The following CNTNAP5 variants were observed in gnomAD, a reference collection of about 807,000 sequenced individuals.
CNTNAP5 encodes contactin-associated protein-like 5.
A neutral mutation model predicts 150.2 loss-of-function variants in CNTNAP5; 72 were observed. The ratio of observed to expected loss-of-function variants is 0.48; its 90% confidence interval spans 0.40 to 0.58. The LOEUF (loss-of-function observed/expected upper bound fraction) is 0.58. Among genes scored for constraint, CNTNAP5 ranks in the 20% least tolerant of loss-of-function variants. The probability of loss-of-function intolerance (pLI) is 0.00; values close to 1 mark genes in which losing one functional copy is unlikely to be tolerated. For synonymous variants in CNTNAP5, 672 were observed against 619.8 expected (o/e 1.08, Z -1.25); for missense variants, 1,636 against 1,626.2 (o/e 1.01, Z -0.10).
At chr2:124,193,728 T>A (rs1685511426) in intron 1 of CNTNAP5, among the ~76,000 whole-genome samples, 1 of 152,164 alleles carries the variant, frequency 6.6e-6, no homozygotes, top group African/African-American at 2.4e-5. Context: ...ATTCTACAAT[T>A]AGTTTATGAA....
At chr2:124,377,715 T>C (rs1690686531) in intron 3 of CNTNAP5, among the ~76,000 whole-genome samples, 1 of 151,536 alleles carries the variant, frequency 6.6e-6, no homozygotes, top group Admixed American at 6.6e-5. Flanking sequence ...AATGCACCTT[T>C]TTTTTTTATG....
At chr2:124,410,057 C>T (rs951918246) in intron 3 of CNTNAP5, among the ~76,000 whole-genome samples, 1 of 151,482 alleles carries the variant, frequency 6.6e-6, no homozygotes, top group Non-Finnish European at 1.5e-5. Context: ...AAATGGAAAA[C>T]AAAAAAAGGC....
intron 14 of CNTNAP5, among the ~76,000 whole-genome samples, chr2:124,756,070 A>G (rs958695238): frequency 1.3e-5 from 2 of 152,210 alleles, no homozygotes; most frequent in African/African-American, 4.8e-5. Flanking sequence ...CAGAGCTCAA[A>G]GATTTATCAA....
chr2:124,882,153 G>A (rs987028762), intron 21 of CNTNAP5, among the ~76,000 whole-genome samples: 6 of 152,104 alleles, frequency 3.9e-5, no homozygotes. Flanking sequence ...TTGAATGCCA[G>A]ATGAACAACT....
At position 124,469,938 on chromosome 2, in the gene CNTNAP5, G is replaced by C. The variant is rs113875212; in HGVS notation, c.919-4801G>C. Among the ~76,000 whole-genome samples the C allele has an allele frequency of 1.7e-3, 260 of 152,294 alleles. 1 individual carries two copies. The highest frequency in any genetic ancestry group is 5.9e-3 in the African/African-American group (247 of 41,560). On this transcript the variant is annotated intron_variant, in intron 6 of 23. Coordinates refer to ENST00000682447, the MANE Select transcript of CNTNAP5 (RefSeq NM_001367498.1). Reference sequence around the variant, plus strand: ...TTTTATGGCTGCATGGTATTCCATGGCGTATATGTACCACATTTTCTTTAT... The same window carrying C: ...TTTTATGGCTGCATGGTATTCCATGCCGTATATGTACCACATTTTCTTTAT...
intron 1 of CNTNAP5, among the ~76,000 whole-genome samples, chr2:124,220,188 A>G (rs1686268784): frequency 6.6e-6 from 1 of 152,070 alleles, no homozygotes; most frequent in African/African-American, 2.4e-5. Context: ...GAGAGCCTTT[A>G]CTACCATGAA....
intron 19 of CNTNAP5, among the ~76,000 whole-genome samples, chr2:124,828,296 A>G (rs1261594285): frequency 6.6e-6 from 1 of 152,088 alleles, no homozygotes; most frequent in Non-Finnish European, 1.5e-5. Context: ...CCTGGTTAAC[A>G]TGGTGAAATC....
intron 9 of CNTNAP5, among the ~76,000 whole-genome samples, chr2:124,526,845 C>T (rs1323028293): frequency 6.6e-6 from 1 of 152,118 alleles, no homozygotes; most frequent in African/African-American, 2.4e-5. Flanking sequence ...ACTCTGCTGC[C>T]ATCCTTACCC....
chr2:124,496,749 A>G (rs534024710), intron 7 of CNTNAP5, among the ~76,000 whole-genome samples: 136 of 152,302 alleles, frequency 8.9e-4, no homozygotes, highest in African/African-American at 3.1e-3. Flanking sequence ...GGAATAATGA[A>G]GGACGTGCCA....
intron 1 of CNTNAP5, among the ~76,000 whole-genome samples, chr2:124,127,579 C>G (rs10186152): frequency 0.13 from 20,357 of 151,938 alleles, 1,454 homozygotes; most frequent in Middle Eastern, 0.23. Flanking sequence ...CATATGGAAC[C>G]AAAAAAGAGC....
intron 13 of CNTNAP5, among the ~76,000 whole-genome samples, chr2:124,721,032 G>A (rs886776453): frequency 1.3e-4 from 20 of 152,162 alleles, no homozygotes; most frequent in Admixed American, 1.2e-3. Flanking sequence ...CTCCTGAAGT[G>A]TGGAAAGGGC....
chr2:124,682,358 A>G (rs1679088547), intron 13 of CNTNAP5, among the ~76,000 whole-genome samples: 1 of 152,170 alleles, frequency 6.6e-6, no homozygotes, highest in Non-Finnish European at 1.5e-5. Flanking sequence ...CTTCTCCCCA[A>G]ACCAGCTGAG....
chr2:124,639,223 C>T (rs905609838), intron 12 of CNTNAP5, among the ~76,000 whole-genome samples: 1 of 152,156 alleles, frequency 6.6e-6, no homozygotes, highest in Non-Finnish European at 1.5e-5. Flanking sequence ...GTTGTAATAC[C>T]ATGTAAATGC....
rs918792110 is a variant in CNTNAP5 at position 124,691,133 on chromosome 2, A to T, written c.2077+43175A>T. 1.2e-4 allele frequency among the ~76,000 whole-genome samples: 18 copies of T among 152,282 alleles called. 1 individual carries two copies. Among genetic ancestry groups the T allele is most frequent in the Admixed American group, 7.2e-4 (11 of 15,278 alleles). On this transcript the variant is annotated intron_variant, in intron 13 of 23. Transcript: ENST00000682447. ...GAGAAGGCTATGATCTAATGCAAAC[A>T]GACTGAGTTGGAAAACTCAGAAAAG...
chr2:124,526,183 G>A (rs1368977044), intron 9 of CNTNAP5, among the ~76,000 whole-genome samples: 1 of 152,176 alleles, frequency 6.6e-6, no homozygotes, highest in African/African-American at 2.4e-5. Flanking sequence ...AGTTTTAAGG[G>A]ACCCTGGGTT....
At chr2:124,830,952 T>A (rs1416392075) in intron 19 of CNTNAP5, among the ~76,000 whole-genome samples, 1 of 152,010 alleles carries the variant, frequency 6.6e-6, no homozygotes, top group African/African-American at 2.4e-5. Flanking sequence ...CTGAAAAGCT[T>A]CAAAAAGAAA....
intron 3 of CNTNAP5, among the ~76,000 whole-genome samples, chr2:124,416,190 A>G (rs980710322): frequency 4.6e-5 from 7 of 152,272 alleles, no homozygotes; most frequent in Admixed American, 3.9e-4. Context: ...TGTGCTTTGG[A>G]ACAAAGTATT....
chr2:124,615,404 G>C (rs1021380762), intron 12 of CNTNAP5, among the ~76,000 whole-genome samples: 6 of 152,160 alleles, frequency 3.9e-5, no homozygotes, highest in African/African-American at 1.4e-4. Context: ...TTCACCAAGA[G>C]TAGATTCCAT....
intron 3 of CNTNAP5, among the ~76,000 whole-genome samples, chr2:124,253,796 C>G (rs925044875): frequency 2.0e-5 from 3 of 152,054 alleles, no homozygotes; most frequent in African/African-American, 7.2e-5. Context: ...GTTTATTCAA[C>G]AGTAGACACA....
Sources: allele counts gnomAD v4.1 joint callset (sites outside exome capture counted in the v4.1 genomes callset), GRCh38; gene constraint gnomAD v4.1.1; transcripts MANE v1.5; gene names NCBI Gene and HGNC (gene_info 2026-07-23, HGNC 2026-07-21).